Variants in STK32B observed in about 807,000 individuals in gnomAD.
STK32B encodes the protein serine/threonine-protein kinase 32B.
STK32B carries 43 observed loss-of-function variants against 52.6 expected under a neutral mutation model. The observed-to-expected ratio is 0.82, with a 90% CI of 0.64 to 1.05. The LOEUF is 1.05. Among genes scored for constraint, STK32B ranks in the 50% least tolerant of loss-of-function variants. The pLI, the probability that STK32B is intolerant of heterozygous loss-of-function variation, is 0.00. For missense variants in STK32B, 621 were observed against 534.6 expected (o/e 1.16, Z -1.59); for synonymous variants, 238 against 204.3 (o/e 1.17, Z -1.41).
intron 3 of STK32B, among the ~76,000 whole-genome samples, chr4:5,188,666 C>T (rs915407770): frequency 6.6e-6 from 1 of 152,144 alleles, no homozygotes; most frequent in South Asian, 2.1e-4. Flanking sequence ...TACACTTTCA[C>T]CTGGGAACAC....
chr4:5,062,529 C>T lies in STK32B; in HGVS notation c.52+10614C>T, dbSNP rs191041654. ...TGTTGTTGTTGTTGTTTTTTTGAGA[C>T]GGAGTCTTGCACTGTCGCCCAGGCT... On this transcript the variant is annotated intron_variant, in intron 1 of 11. Coordinates refer to ENST00000282908, the MANE Select transcript of STK32B (RefSeq NM_018401.3). Among the ~76,000 whole-genome samples, 859 of 152,150 alleles carry T rather than the reference C, an allele frequency of 5.6e-3. 10 individuals carry two copies. Among genetic ancestry groups the T allele is most frequent in the South Asian group, 0.014 (66 of 4,814 alleles).
At chr4:5,156,110 CAATG>C (rs1156656944) in intron 2 of STK32B, among the ~76,000 whole-genome samples, 2 of 151,392 alleles carry the variant, frequency 1.3e-5, no homozygotes, top group Non-Finnish European at 2.9e-5. Context: ...TATATACACT[CAATG>C]TATATGTATA....
chr4:5,459,282 GC>G (rs55688341), intron 8 of STK32B, among the ~76,000 whole-genome samples: 16,121 of 132,718 alleles, frequency 0.12, 1,323 homozygotes, highest in East Asian at 0.43. Flanking sequence ...ACCCTGGTGT[GC>G]CCCCCCCCCC....
intron 3 of STK32B, among the ~76,000 whole-genome samples, chr4:5,286,247 C>G (rs573412849): frequency 9.2e-5 from 14 of 152,270 alleles, no homozygotes; most frequent in Admixed American, 2.0e-4. Flanking sequence ...ATTTTACACC[C>G]AACAGATGAG....
the STK32B span, among the ~76,000 whole-genome samples, chr4:5,028,116 G>A: frequency 1.8e-4 from 27 of 152,282 alleles, no homozygotes; most frequent in African/African-American, 4.1e-4. Flanking sequence ...TGCTCGGTGC[G>A]GAGCTGGAGT....
At position 5,396,836 on chromosome 4, in the gene STK32B, G is replaced by A. The variant is rs1027199220; in HGVS notation, c.435-1371G>A. Among the ~76,000 whole-genome samples, 1 of 141,690 alleles carries A rather than the reference G, an allele frequency of 7.1e-6. No homozygotes were observed. The highest frequency in any genetic ancestry group is 6.9e-5 in the Admixed American group (1 of 14,488). The allele number at this position is 141,690 out of a possible 152,430, so 93.0% of individuals were successfully genotyped here. A position where few individuals can be genotyped will look rare whatever the true frequency, so the allele number is the denominator to read the frequency against. ...GACCAAGCATTTGCTGACTTCATCCGCACTTGACTCTAGGTCTTCTGCCTT... is the reference window on the plus strand; with the variant it reads ...GACCAAGCATTTGCTGACTTCATCCACACTTGACTCTAGGTCTTCTGCCTT... On this transcript the variant is annotated intron_variant, in intron 4 of 11. Coordinates refer to ENST00000282908, the MANE Select transcript of STK32B (RefSeq NM_018401.3). This position sits in a 1 kb window ranked among gnomAD's most constrained non-coding sequence, Gnocchi z 4.7.
chr4:5,371,044 G>GTGTATATATATGTATATA (rs1560360262), intron 4 of STK32B, among the ~76,000 whole-genome samples: 2 of 150,008 alleles, frequency 1.3e-5, no homozygotes, highest in African/African-American at 4.9e-5. Flanking sequence ...GTATATATAT[G>GTGTATATATATGTATATA]TGTGTGTGTG....
intron 11 of STK32B, among the ~76,000 whole-genome samples, chr4:5,495,241 A>G (rs1242749792): frequency 1.3e-5 from 2 of 152,144 alleles, no homozygotes; most frequent in Admixed American, 6.5e-5. Context: ...GTCTTTTCAC[A>G]TAGTCCCATA....
chr4:5,123,562 G>A (rs1715187363), intron 1 of STK32B, among the ~76,000 whole-genome samples: 1 of 152,098 alleles, frequency 6.6e-6, no homozygotes, highest in Non-Finnish European at 1.5e-5. Flanking sequence ...ATCAAGGTGT[G>A]GGCAGGGTTG....
intron 6 of STK32B, among the ~76,000 whole-genome samples, chr4:5,441,122 A>T (rs1417368789): frequency 6.7e-6 from 1 of 148,824 alleles, no homozygotes; most frequent in Admixed American, 6.7e-5. Flanking sequence ...GGCCTCATAA[A>T]ATGAGTTAGG....
Position 5,429,568 on chromosome 4 carries a change from A to G in STK32B, c.562+12634A>G, listed in dbSNP as rs1713390201. ...TCTCTTTTTACTATAAATATATGTCATTGAATTTATTTTTGCTTCAAATAG... is the reference window on the plus strand; with the variant it reads ...TCTCTTTTTACTATAAATATATGTCGTTGAATTTATTTTTGCTTCAAATAG... On this transcript the variant is annotated intron_variant, in intron 6 of 11. Transcript: ENST00000282908. 4.0e-5 allele frequency among the ~76,000 whole-genome samples: 6 copies of G among 149,390 alleles called. No individual in the cohort carries two copies. The South Asian group carries it at 1.3e-3, about 32-fold the overall frequency.
intron 3 of STK32B, among the ~76,000 whole-genome samples, chr4:5,295,910 A>G (rs1039053366): frequency 6.6e-6 from 1 of 151,986 alleles, no homozygotes; most frequent in Admixed American, 6.6e-5. Context: ...ATTTAGTCCT[A>G]TAAATTTCTC....
chr4:5,043,828 A>G, the STK32B span, among the ~76,000 whole-genome samples: 2 of 152,208 alleles, frequency 1.3e-5, no homozygotes, highest in African/African-American at 4.8e-5. Context: ...TGTAGTCCCT[A>G]TCCCAGTAGG....
intron 3 of STK32B, among the ~76,000 whole-genome samples, chr4:5,298,464 T>C (rs1056665176): frequency 1.3e-5 from 2 of 152,104 alleles, no homozygotes; most frequent in Non-Finnish European, 2.9e-5. Flanking sequence ...CTGCTACCTT[T>C]CTTTCAGAGT....
chr4:5,436,456 G>T (rs866248629), intron 6 of STK32B: 2 of 313,690 alleles, frequency 6.4e-6, no homozygotes, highest in African/African-American at 4.5e-5. Context: ...AACAGCCACC[G>T]TGATGGGAAG....
chr4:5,229,221 AG>A lies in STK32B; in HGVS notation c.260+60772del, dbSNP rs200692217. ...AATAAAATGAGGTACGTCTATATTT[AG>A]TTTTTTTTTTCCTTTTAAACTCTGA... On this transcript the variant is annotated intron_variant, in intron 3 of 11. Transcript: ENST00000282908. 6.2e-3 allele frequency among the ~76,000 whole-genome samples: 564 copies of A among 90,518 alleles called. 6 individuals carry two copies. Among genetic ancestry groups the A allele is most frequent in the African/African-American group, 0.015 (371 of 25,142 alleles). 59.4% of individuals were successfully genotyped at this position (90,518 alleles called of 152,430 possible). A position where few individuals can be genotyped will look rare whatever the true frequency, so the allele number is the denominator to read the frequency against.
At chr4:5,022,018 G>A in the STK32B span, among the ~76,000 whole-genome samples, 1 of 152,108 alleles carries the variant, frequency 6.6e-6, no homozygotes, top group South Asian at 2.1e-4. Context: ...GATTCCCAGG[G>A]CAGGTGGAGA....
At chr4:5,159,781 G>A (rs887982879) in intron 2 of STK32B, among the ~76,000 whole-genome samples, 2 of 143,458 alleles carry the variant, frequency 1.4e-5, no homozygotes, top group East Asian at 4.1e-4. Flanking sequence ...ATATATGAAT[G>A]TTTATGAATA....
intron 11 of STK32B, among the ~76,000 whole-genome samples, chr4:5,477,532 C>T (rs762139815): frequency 1.3e-5 from 2 of 152,154 alleles, no homozygotes; most frequent in African/African-American, 2.4e-5. Flanking sequence ...GAGTCCATAA[C>T]CAGGTACAAA....
Sources: allele counts gnomAD v4.1 joint callset (sites outside exome capture counted in the v4.1 genomes callset), GRCh38; gene constraint gnomAD v4.1.1; non-coding constraint Gnocchi (gnomAD v3.1); transcripts MANE v1.5; gene names NCBI Gene and HGNC (gene_info 2026-07-23, HGNC 2026-07-21).